The following NFRKB variants were observed in gnomAD, a reference collection of about 807,000 sequenced individuals.
The protein encoded by NFRKB is nuclear factor related to kappa-B-binding protein.
NFRKB carries 62 observed loss-of-function variants against 135.7 expected under a neutral mutation model. That is an observed-to-expected ratio of 0.46 (90% CI 0.37 to 0.56). The LOEUF (loss-of-function observed/expected upper bound fraction) is 0.56, where lower values mean the gene tolerates loss of function less well. Among genes scored for constraint, NFRKB ranks in the 20% least tolerant of loss-of-function variants. The pLI is 0.00. For synonymous variants in NFRKB, 678 were observed against 635.6 expected, an observed-to-expected ratio of 1.07 and a Z score of -1.00; for missense variants, 1,545 against 1,662.0, an observed-to-expected ratio of 0.93 and a Z score of 1.22.
intron 17 of NFRKB, 125 bp downstream of exon 17, chr11:129,876,596 A>T (rs1948776698): frequency 9.7e-7 from 1 of 1,034,818 alleles, no homozygotes; most frequent in African/African-American, 1.6e-5. Flanking sequence ...GCTTTGAAAA[A>T]CTATGCCTTG....
chr11:129,882,377 C>T, intron 10 of NFRKB, 74 bp downstream of exon 10: 2 of 1,527,932 alleles, frequency 1.3e-6, no homozygotes, highest in African/African-American at 2.8e-5. Flanking sequence ...CTACGACAAG[C>T]CCTAGGGGCC....
chr11:129,864,912 G>T, intron 26 of NFRKB, 54 bp downstream of exon 26: 3 of 1,613,010 alleles, frequency 1.9e-6, no homozygotes, highest in Non-Finnish European at 1.7e-6. Context: ...GTTAAGAACA[G>T]CAGTGGAATC....
At chr11:129,889,539 A>C (rs895064758) in intron 3 of NFRKB, among the ~76,000 whole-genome samples, 7 of 151,650 alleles carry the variant, frequency 4.6e-5, no homozygotes, top group Non-Finnish European at 1.0e-4. Flanking sequence ...GTTCATTTTC[A>C]ACTCCCGAGT....
At chr11:129,866,525 G>A (rs980815289) in intron 24 of NFRKB, among the ~76,000 whole-genome samples, 6 of 151,184 alleles carry the variant, frequency 4.0e-5, no homozygotes, top group East Asian at 1.9e-4. Context: ...CATGCTCTCC[G>A]GTGCTTTCCA....
At chr11:129,873,472 C>T (rs887159987) in intron 22 of NFRKB, among the ~76,000 whole-genome samples, 1 of 152,178 alleles carries the variant, frequency 6.6e-6, no homozygotes, top group African/African-American at 2.4e-5. Flanking sequence ...TCACAAGGTC[C>T]GCATTTACAA....
chr11:129,865,907 G>A lies in NFRKB; in HGVS notation c.3608C>T (p.Ala1203Val). ...QPMKGKSVVT[A>V]PIIKGNLGAN... ...TCCAAGGTTGCCTTTGATGATGGGG[G>A]CTGTGACCACGCTCTTGCCCTTCAT... Residue 1203 changes from alanine to valine, a missense_variant, in exon 25 of 27, where the codon GCC becomes GTC. Ala to Val is a moderately conservative substitution (Grantham distance 64). Transcript: ENST00000682444. 1 of 1,614,034 alleles carries A rather than the reference G, an allele frequency of 6.2e-7. No individual in the cohort carries two copies. Among genetic ancestry groups the A allele is most frequent in the Non-Finnish European group, 8.5e-7 (1 of 1,180,010 alleles).
intron 1 of NFRKB, among the ~76,000 whole-genome samples, chr11:129,894,884 T>C (rs183376459): frequency 3.8e-4 from 58 of 152,374 alleles, no homozygotes; most frequent in Middle Eastern, 3.4e-3. Flanking sequence ...GTCAGTGTCC[T>C]ACCTGCCTCT....
At chr11:129,890,193 A>T (rs1188370976) in intron 3 of NFRKB, among the ~76,000 whole-genome samples, 1 of 152,124 alleles carries the variant, frequency 6.6e-6, no homozygotes, top group Admixed American at 6.6e-5. Flanking sequence ...AAAGGGTTTC[A>T]GCAGGAAACA....
In NFRKB at chr11:129,869,930, G is replaced by A. The variant is rs779683893; in HGVS notation, c.3095C>T (p.Pro1032Leu). Reference protein sequence around the residue: ...SPAKASSASAPSSTPTGTTVV... With the variant: ...SPAKASSASALSSTPTGTTVV... ...AGTGGTACCTGTTGGAGTGGATGAAGGGGCACTGGCTGAACTGGCCTTGGC... is the reference window on the plus strand; with the variant it reads ...AGTGGTACCTGTTGGAGTGGATGAAAGGGCACTGGCTGAACTGGCCTTGGC... The change falls in exon 24 of 27, where the codon CCT becomes CTT. Residue 1032 changes from proline to leucine, a missense_variant. Pro to Leu is a moderately conservative substitution (Grantham distance 98, BLOSUM62 -3). Coordinates refer to ENST00000682444, the MANE Select transcript of NFRKB (RefSeq NM_001143835.2). 1.2e-5 allele frequency: 20 copies of A among 1,614,142 alleles called. No homozygotes were observed. In the African/African-American group the frequency reaches 2.7e-4, roughly 22 times the overall value.
chr11:129,876,273 A>G (rs1013843124), intron 17 of NFRKB, among the ~76,000 whole-genome samples: 1 of 152,184 alleles, frequency 6.6e-6, no homozygotes, highest in Non-Finnish European at 1.5e-5. Context: ...TGCACCATAA[A>G]CTTGTTTTAA....
At chr11:129,888,827 A>G in intron 3 of NFRKB, 32 bp from the exon 4 acceptor site, 7 of 1,585,008 alleles carry the variant, frequency 4.4e-6, no homozygotes, top group Middle Eastern at 1.7e-4. Context: ...AACAAAAGTA[A>G]AATAAATTTT....
In NFRKB at chr11:129,888,629, C is replaced by T; in HGVS notation, c.302G>A (p.Gly101Glu). 4.3e-6 allele frequency: 7 copies of T among 1,614,176 alleles called. No homozygotes were observed. Among genetic ancestry groups the T allele is most frequent in the Non-Finnish European group, 5.9e-6 (7 of 1,180,044 alleles). ...CTTCTGGGCAATGTGCAGAGGGTTTCCAAAGCGGAAGTTCTCCCCACTGAA... is the reference window on the plus strand; with the variant it reads ...CTTCTGGGCAATGTGCAGAGGGTTTTCAAAGCGGAAGTTCTCCCCACTGAA... Reference protein sequence around the residue: ...ALFSGENFRFGNPLHIAQKLF... With the variant: ...ALFSGENFRFENPLHIAQKLF... Residue 101 changes from glycine (G) to glutamate (E), a missense_variant, in exon 4 of 27, where the codon GGA (glycine) becomes GAA (glutamate). By Grantham distance (98) the Gly-to-Glu change is moderately conservative. This residue lies in a region of NFRKB where 678 missense variants were observed against 646.7 expected (regional missense o/e 1.05). Transcript: ENST00000682444.
chr11:129,877,213 G>A lies in NFRKB; in HGVS notation c.1572+112C>T, dbSNP rs915480729. 3.6e-6 allele frequency: 4 copies of A among 1,099,520 alleles called. No homozygotes were observed. In the African/African-American group the frequency reaches 6.2e-5, roughly 17 times the overall value. 68.1% of individuals were successfully genotyped at this position (1,099,520 alleles called of 1,614,324 possible). On this transcript the variant is annotated intron_variant, in intron 16 of 26. Coordinates refer to ENST00000682444, the MANE Select transcript of NFRKB (RefSeq NM_001143835.2). ...TAATCCCAGCCAACAGAAGGTCTAAGGGGAAAGGTATGAGTTTCTTGCAAG... is the reference window on the plus strand; with the variant it reads ...TAATCCCAGCCAACAGAAGGTCTAAAGGGAAAGGTATGAGTTTCTTGCAAG...
intron 15 of NFRKB, among the ~76,000 whole-genome samples, chr11:129,877,931 T>C (rs1489950663): frequency 6.6e-6 from 1 of 152,168 alleles, no homozygotes; most frequent in African/African-American, 2.4e-5. Flanking sequence ...AGATCTAAGT[T>C]CTAGCTGGGG....
Position 129,874,398 on chromosome 11 carries a change from C to G in NFRKB, c.2059-65G>C. ...AGATCCCCCTAAAGGAAGGGACACC[C>G]CTACAGCTCCTGATGCCCCACACCA... On this transcript the variant is annotated intron_variant, in intron 20 of 26. Coordinates refer to ENST00000682444, the MANE Select transcript of NFRKB (RefSeq NM_001143835.2). The surrounding 1 kb of genome is among the most constrained non-coding windows in gnomAD (Gnocchi z 4.5). 1 of 1,530,236 alleles carries G rather than the reference C, an allele frequency of 6.5e-7. No homozygotes were observed. Among genetic ancestry groups the G allele is most frequent in the South Asian group, 1.3e-5 (1 of 76,576 alleles). 94.8% of individuals were successfully genotyped at this position (1,530,236 alleles called of 1,614,324 possible).
In NFRKB at chr11:129,873,842, T is replaced by C. The variant is rs1948633126; in HGVS notation, c.2453A>G (p.Gln818Arg). 3.7e-6 allele frequency: 6 copies of C among 1,614,128 alleles called. No individual in the cohort carries two copies. Among genetic ancestry groups the C allele is most frequent in the Non-Finnish European group, 5.1e-6 (6 of 1,180,024 alleles). Residue 818 changes from glutamine to arginine, a missense_variant, in exon 22 of 27, where the codon CAG (glutamine) becomes CGG (arginine). Gln to Arg is a conservative substitution (Grantham distance 43). This residue lies in a region of NFRKB where 753 missense variants were observed against 804.3 expected (regional missense o/e 0.94). Transcript: ENST00000682444. Reference sequence around the variant, plus strand: ...TGTCTGTGCCGGCCCTCCCGACTGCTGGGGAACAGCAGGAAGGCTAGGCTG... The same window carrying C: ...TGTCTGTGCCGGCCCTCCCGACTGCCGGGGAACAGCAGGAAGGCTAGGCTG... Reference protein sequence around the residue: ...VAQPSLPAVPQQSGGPAQTLP... With the variant: ...VAQPSLPAVPRQSGGPAQTLP...
Position 129,864,552 on chromosome 11 carries a change from A to G in NFRKB, c.*173T>C. 2.5e-6 allele frequency: 2 copies of G among 791,586 alleles called. No homozygotes were observed. The highest frequency in any genetic ancestry group is 5.2e-5 in the Admixed American group (2 of 38,646). 49.0% of individuals were successfully genotyped at this position (791,586 alleles called of 1,614,324 possible). ...GAGTGAACCTTTCTCAGGGTGCTCC[A>G]CTATGGCACGTGGCAGCAGAATCCA... On this transcript the variant is annotated 3_prime_UTR_variant, in exon 27 of 27. Coordinates refer to ENST00000682444, the MANE Select transcript of NFRKB (RefSeq NM_001143835.2).
chr11:129,876,861 AAC>A lies in NFRKB; in HGVS notation c.1605_1606del (p.Phe536HisfsTer8). The A allele has an allele frequency of 6.2e-7, 1 of 1,614,128 alleles. No homozygotes were observed. The highest frequency in any genetic ancestry group is 1.1e-5 in the South Asian group (1 of 91,082). ...CTCAAAGCCGTGCATGCGAAAGGTG[AAC>A]GCCTTATGGGGTTGGCTATACCTGT... On this transcript the variant is annotated frameshift_variant, in exon 17 of 27. Transcript: ENST00000682444. LOFTEE classifies it high-confidence loss of function.
chr11:129,869,677 C>T lies in NFRKB; in HGVS notation c.3348G>A (p.Ser1116=), dbSNP rs144952739. 2,108 of 1,614,236 alleles carry T rather than the reference C, an allele frequency of 1.3e-3. 4 individuals are homozygous for T. Among genetic ancestry groups the T allele is most frequent in the Non-Finnish European group, 1.6e-3 (1,914 of 1,180,048 alleles). Residue 1116 remains serine (S), a synonymous_variant, in exon 24 of 27, where the codon TCG becomes TCA. Coordinates refer to ENST00000682444, the MANE Select transcript of NFRKB (RefSeq NM_001143835.2). Reference sequence around the variant, plus strand: ...GGACAGTTCCAGACCCACTGGCCACCGAGGCCCCTTGCTTGGCGTGGGTTG... The same window carrying T: ...GGACAGTTCCAGACCCACTGGCCACTGAGGCCCCTTGCTTGGCGTGGGTTG... The part of the protein sequence containing the change: ...TVATHAKQGA[S]VASGSGTVHT...
Sources: allele counts gnomAD v4.1 joint callset (sites outside exome capture counted in the v4.1 genomes callset), GRCh38; gene constraint gnomAD v4.1.1; regional missense constraint gnomAD v4.1.1; non-coding constraint Gnocchi (gnomAD v3.1); transcripts MANE v1.5; gene names NCBI Gene and HGNC (gene_info 2026-07-23, HGNC 2026-07-21).